The following MTCH1 variants were observed in gnomAD, a reference collection of about 807,000 sequenced individuals.
MTCH1 encodes mitochondrial carrier 1, also known as mitochondrial carrier homolog 1.
A neutral mutation model predicts 49.3 loss-of-function variants in MTCH1; 23 were observed. The observed-to-expected ratio is 0.47, with a 90% CI of 0.34 to 0.66. The LOEUF is 0.66. Ranked by LOEUF, MTCH1 falls within the 30% of genes least tolerant of loss-of-function variation. The probability of loss-of-function intolerance (pLI) is 0.01; values close to 1 mark genes in which losing one functional copy is unlikely to be tolerated. For synonymous variants in MTCH1, 229 were observed against 215.2 expected (o/e 1.06, Z -0.56); for missense variants, 397 against 532.1 (o/e 0.75, Z 2.50).
At chr6:36,981,509 C>CG in intron 2 of MTCH1, 79 bp downstream of exon 2, 1 of 1,383,100 alleles carries the variant, frequency 7.2e-7, no homozygotes, top group South Asian at 1.3e-5. Context: ...GTGAGTTCCC[C>CG]GGGGCCAGCT....
chr6:36,979,421 G>T (rs1199956556), intron 2 of MTCH1, among the ~76,000 whole-genome samples: 3 of 152,200 alleles, frequency 2.0e-5, no homozygotes, highest in Non-Finnish European at 2.9e-5. Flanking sequence ...TTATAAACCT[G>T]TGCATCTGGA....
intron 8 of MTCH1, 136 bp from the exon 9 acceptor site, chr6:36,970,830 C>CA: frequency 1.0e-6 from 1 of 992,326 alleles, no homozygotes; most frequent in South Asian, 1.4e-5. Context: ...TCAGCCCTCA[C>CA]AGTCACTGCC....
Position 36,972,926 on chromosome 6 carries a change from A to G in MTCH1, c.762-130T>C. 1.1e-6 allele frequency: 1 copy of G among 931,896 alleles called. No homozygotes were observed. Among genetic ancestry groups the G allele is most frequent in the Non-Finnish European group, 1.6e-6 (1 of 620,654 alleles). 57.7% of individuals were successfully genotyped at this position (931,896 alleles called of 1,614,324 possible). Reference sequence around the variant, plus strand: ...GCATATCCAATGGCACAGCCTTAGAAAGGAGGCCTGCAGGGTCCAGCAGCT... The same window carrying G: ...GCATATCCAATGGCACAGCCTTAGAGAGGAGGCCTGCAGGGTCCAGCAGCT... On this transcript the variant is annotated intron_variant, in intron 7 of 11. Coordinates refer to ENST00000373627, the MANE Select transcript of MTCH1 (RefSeq NM_001271641.2). This position sits in a 1 kb window ranked among gnomAD's most constrained non-coding sequence, Gnocchi z 4.1.
At chr6:36,985,088 T>C (rs937971829) in intron 1 of MTCH1, among the ~76,000 whole-genome samples, 9 of 110,690 alleles carry the variant, frequency 8.1e-5, no homozygotes, top group Non-Finnish European at 1.5e-4. Context: ...CCTCCCCCCA[T>C]ACGCGTCACC....
At chr6:36,969,906 C>T in intron 11 of MTCH1, 133 bp downstream of exon 11, 2 of 1,548,338 alleles carry the variant, frequency 1.3e-6, no homozygotes, top group Non-Finnish European at 1.7e-6. Context: ...TTATAGATAC[C>T]AAGTATCTCC....
intron 1 of MTCH1, among the ~76,000 whole-genome samples, chr6:36,983,010 G>A (rs533746127): frequency 1.4e-4 from 22 of 152,382 alleles, no homozygotes; most frequent in African/African-American, 5.0e-4. Flanking sequence ...ACTGGATTAG[G>A]TATGCTTCCA....
In MTCH1 at chr6:36,970,113, G is replaced by A; in HGVS notation, c.1024C>T (p.Leu342=). 3.7e-6 allele frequency: 6 copies of A among 1,613,828 alleles called. No individual in the cohort carries two copies. Among genetic ancestry groups the A allele is most frequent in the Non-Finnish European group, 5.1e-6 (6 of 1,179,758 alleles). The change falls in exon 11 of 12, where the codon CTG becomes TTG. Residue 342 remains leucine, a splice_region_variant and synonymous_variant. Coordinates refer to ENST00000373627, the MANE Select transcript of MTCH1 (RefSeq NM_001271641.2). Reference sequence around the variant, plus strand: ...GAGTAAGGGGGGAGCCCAGCTTGCAGCCTGCCGGAGAAGGAGAGTGTAGAT... The same window carrying A: ...GAGTAAGGGGGGAGCCCAGCTTGCAACCTGCCGGAGAAGGAGAGTGTAGAT... The part of the protein sequence containing the change: ...GDLMAVNNCG[L]QAGLPPYSPV...
intron 7 of MTCH1, among the ~76,000 whole-genome samples, 155 bp downstream of exon 7, chr6:36,975,503 G>C (rs1424141403): frequency 6.6e-6 from 1 of 152,230 alleles, no homozygotes; most frequent in Non-Finnish European, 1.5e-5. Context: ...GCTTGGACAC[G>C]CTATGGAGCT....
chr6:36,982,148 C>T lies in MTCH1; in HGVS notation c.322-476G>A, dbSNP rs1283540432. On this transcript the variant is annotated intron_variant, in intron 1 of 11. Transcript: ENST00000373627. The surrounding 1 kb of genome is among the most constrained non-coding windows in gnomAD (Gnocchi z 4.1). ...ATTAAGTCATCTATTCCAAAGTGCA[C>T]CCCAAACTCAAATTTCTTACCAAAT... Among the ~76,000 whole-genome samples, 1 of 152,100 alleles carries T rather than the reference C, an allele frequency of 6.6e-6. No homozygotes were observed. Among genetic ancestry groups the T allele is most frequent in the Non-Finnish European group, 1.5e-5 (1 of 68,028 alleles).
chr6:36,977,705 T>C lies in MTCH1; in HGVS notation c.592-14A>G, dbSNP rs776948186. 30 of 1,602,982 alleles carry C rather than the reference T, an allele frequency of 1.9e-5. No individual in the cohort carries two copies. The highest frequency in any genetic ancestry group is 8.5e-7 in the Non-Finnish European group (1 of 1,174,886). ...CTCGTAGGAGGTCTGGAAGAGAGCA[T>C]GGGGTGGGGACTCGCCACCCTCGGC... On this transcript the variant is annotated splice_polypyrimidine_tract_variant and intron_variant, in intron 4 of 11. Coordinates refer to ENST00000373627, the MANE Select transcript of MTCH1 (RefSeq NM_001271641.2). This position sits in a 1 kb window ranked among gnomAD's most constrained non-coding sequence, Gnocchi z 5.4.
intron 10 of MTCH1, 105 bp from the exon 11 acceptor site, chr6:36,970,219 C>A: frequency 7.0e-7 from 1 of 1,436,432 alleles, no homozygotes; most frequent in Admixed American, 1.9e-5. Flanking sequence ...CATCCACACC[C>A]TGACCCCTGA....
At position 36,978,067 on chromosome 6, in the gene MTCH1, T is replaced by G. The variant is rs1387476399; in HGVS notation, c.591+11A>C. On this transcript the variant is annotated intron_variant, in intron 4 of 11. Coordinates refer to ENST00000373627, the MANE Select transcript of MTCH1 (RefSeq NM_001271641.2). ...CCACGCACCTCTCCCTCTCCAACTCTCAACACCCACCTCCTTCACAACTTT... is the reference window on the plus strand; with the variant it reads ...CCACGCACCTCTCCCTCTCCAACTCGCAACACCCACCTCCTTCACAACTTT... 85 of 1,607,042 alleles carry G rather than the reference T, an allele frequency of 5.3e-5. No homozygotes were observed. Among genetic ancestry groups the G allele is most frequent in the Non-Finnish European group, 7.2e-5 (85 of 1,173,734 alleles).
intron 7 of MTCH1, among the ~76,000 whole-genome samples, chr6:36,974,291 C>A (rs1167869088): frequency 6.6e-6 from 1 of 152,140 alleles, no homozygotes; most frequent in East Asian, 1.9e-4. Flanking sequence ...GTCTCCAACT[C>A]CTGGGCTCAA....
In MTCH1 at chr6:36,970,368, T is replaced by TG. The variant is rs750579156; in HGVS notation, c.1022+37dup. On this transcript the variant is annotated intron_variant, in intron 10 of 11. Transcript: ENST00000373627. ...GTGGGTCTCCCCCACCCCACAGCCT[T>TG]GGTAGGTAGAGTGGCAAGTAGAGGG... 34 of 1,611,538 alleles carry TG rather than the reference T, an allele frequency of 2.1e-5. No homozygotes were observed. The African/African-American group carries it at 3.5e-4, about 16-fold the overall frequency.
rs1491325260 is a variant in MTCH1, at chr6:36,978,875, C to CA, written c.407-265_407-264insT. 3.9e-3 allele frequency among the ~76,000 whole-genome samples: 388 copies of CA among 100,436 alleles called. 2 individuals are homozygous for CA. Among genetic ancestry groups the CA allele is most frequent in the Non-Finnish European group, 5.0e-3 (270 of 53,702 alleles). 65.9% of individuals were successfully genotyped at this position (100,436 alleles called of 152,430 possible). On this transcript the variant is annotated intron_variant, in intron 2 of 11. Transcript: ENST00000373627. ...TCTTCCTTCCTTCCCTCCCTCCCTC[C>CA]TTTTTTTTTTTTTTTTTTTTTTTGC...
At chr6:36,973,288 A>G (rs1763745283) in intron 7 of MTCH1, among the ~76,000 whole-genome samples, 1 of 152,210 alleles carries the variant, frequency 6.6e-6, no homozygotes, top group African/African-American at 2.4e-5. Context: ...TAGGATAAAC[A>G]GCTCTATAAA....
chr6:36,986,083 C>T lies in MTCH1; in HGVS notation c.91G>A (p.Gly31Arg). 3.5e-6 allele frequency: 5 copies of T among 1,430,662 alleles called. No homozygotes were observed. Among genetic ancestry groups the T allele is most frequent in the South Asian group, 1.4e-5 (1 of 69,290 alleles). 88.6% of individuals were successfully genotyped at this position (1,430,662 alleles called of 1,614,324 possible). The change falls in exon 1 of 12, where the codon GGA (glycine) becomes AGA (arginine). Residue 31 changes from glycine to arginine, a missense_variant. Physicochemically the swap from Gly to Arg is moderately radical, Grantham distance 125 (BLOSUM62 -2). Coordinates refer to ENST00000373627, the MANE Select transcript of MTCH1 (RefSeq NM_001271641.2). ...CGAGCCTCGACCCCCGCCGCCGCTC[C>T]GCCGCGAGCTCCGGCTCCAGCTCCG... ...GAGAGAGARG[G>R]AAAGVEARAR...
chr6:36,972,767 A>G lies in MTCH1; in HGVS notation c.791T>C (p.Val264Ala). Reference sequence around the variant, plus strand: ...CAGGTTACAGCCCCACAAGAAAACCACATCGCCCAGGAGGTGAGGGATTAA... The same window carrying G: ...CAGGTTACAGCCCCACAAGAAAACCGCATCGCCCAGGAGGTGAGGGATTAA... ...VGLIPHLLGDVVFLWGCNLLA... is the reference protein window; with the variant it reads ...VGLIPHLLGDAVFLWGCNLLA... Residue 264 changes from valine (V) to alanine (A), a missense_variant, in exon 8 of 12, where the codon GTG becomes GCG. Val to Ala is a moderately conservative substitution (Grantham distance 64). Coordinates refer to ENST00000373627, the MANE Select transcript of MTCH1 (RefSeq NM_001271641.2). The surrounding 1 kb of genome is among the most constrained non-coding windows in gnomAD (Gnocchi z 4.1). 2 of 1,553,214 alleles carry G rather than the reference A, an allele frequency of 1.3e-6. No individual in the cohort carries two copies. Among genetic ancestry groups the G allele is most frequent in the Non-Finnish European group, 1.7e-6 (2 of 1,147,694 alleles).
chr6:36,980,602 C>A (rs1360434160), intron 2 of MTCH1, among the ~76,000 whole-genome samples: 1 of 152,238 alleles, frequency 6.6e-6, no homozygotes, highest in East Asian at 1.9e-4. Context: ...AAATATGACA[C>A]CCAATTCTGC....
Sources: allele counts gnomAD v4.1 joint callset (sites outside exome capture counted in the v4.1 genomes callset), GRCh38; gene constraint gnomAD v4.1.1; non-coding constraint Gnocchi (gnomAD v3.1); transcripts MANE v1.5; gene names NCBI Gene and HGNC (gene_info 2026-07-23, HGNC 2026-07-21).